Variants in SLC3A2 observed in about 807,000 individuals in gnomAD.
SLC3A2 encodes the protein solute carrier family 3 member 2.
In SLC3A2, 32 loss-of-function variants were observed where a neutral mutation model predicts 48.5. That is an observed-to-expected ratio of 0.66 (90% CI 0.50 to 0.89). SLC3A2 has a LOEUF of 0.89. Among genes scored for constraint, SLC3A2 ranks in the 40% least tolerant of loss-of-function variants. SLC3A2 has a pLI of 0.00. For missense variants in SLC3A2, 587 were observed against 680.7 expected, an observed-to-expected ratio of 0.86 and a Z score of 1.53; for synonymous variants, 277 against 288.8, an observed-to-expected ratio of 0.96 and a Z score of 0.41.
chr11:62,862,452 C>A (rs1188309661), intron 1 of SLC3A2, among the ~76,000 whole-genome samples: 1 of 151,222 alleles, frequency 6.6e-6, no homozygotes, highest in Non-Finnish European at 1.5e-5. Context: ...AGGTTTGAGA[C>A]CAGCCTGGGC....
chr11:62,861,898 CA>C (rs2085402268), intron 1 of SLC3A2, among the ~76,000 whole-genome samples: 1 of 116,904 alleles, frequency 8.6e-6, no homozygotes, highest in Non-Finnish European at 1.7e-5. Context: ...CCAACAAGAG[CA>C]AAACCTCTCT....
chr11:62,886,661 C>G (rs530314305), intron 7 of SLC3A2: 1 of 152,042 alleles, frequency 6.6e-6, no homozygotes, highest in Non-Finnish European at 1.5e-5. Context: ...GCGATTATGT[C>G]TCACTGCAAC....
intron 1 of SLC3A2, among the ~76,000 whole-genome samples, chr11:62,873,345 G>A (rs886983826): frequency 3.7e-4 from 56 of 151,762 alleles, no homozygotes; most frequent in Non-Finnish European, 7.4e-5. Flanking sequence ...AAAATTAGCC[G>A]GGCATGGTGG....
chr11:62,861,315 C>CA (rs1182735957), intron 1 of SLC3A2, among the ~76,000 whole-genome samples: 44 of 147,160 alleles, frequency 3.0e-4, no homozygotes, highest in South Asian at 4.3e-4. Flanking sequence ...GGCCCTGTCT[C>CA]AAAAAAAAAA....
At chr11:62,873,164 A>G (rs2085534777) in intron 1 of SLC3A2, among the ~76,000 whole-genome samples, 1 of 151,866 alleles carries the variant, frequency 6.6e-6, no homozygotes, top group Admixed American at 6.6e-5. Context: ...CTGGGACTAC[A>G]GGCATGTGCA....
intron 7 of SLC3A2, among the ~76,000 whole-genome samples, chr11:62,887,431 C>T (rs945239761): frequency 7.2e-5 from 11 of 151,996 alleles, no homozygotes; most frequent in African/African-American, 2.2e-4. Flanking sequence ...GGCCGGGTGT[C>T]GTGGCTTATG....
At chr11:62,874,764 T>C (rs2085553492) in intron 1 of SLC3A2, among the ~76,000 whole-genome samples, 2 of 151,876 alleles carry the variant, frequency 1.3e-5, no homozygotes, top group Admixed American at 1.3e-4. Flanking sequence ...TCTTTCCTTT[T>C]TCTTTTTCTT....
chr11:62,872,016 C>T (rs1437161795), intron 1 of SLC3A2, among the ~76,000 whole-genome samples: 1 of 151,946 alleles, frequency 6.6e-6, no homozygotes, highest in Admixed American at 6.6e-5. Flanking sequence ...GGGTTCACGC[C>T]ATTCTCCTGC....
intron 6 of SLC3A2, 25 bp from the exon 7 acceptor site, chr11:62,885,440 C>T: frequency 6.2e-7 from 1 of 1,614,144 alleles, no homozygotes; most frequent in Non-Finnish European, 8.5e-7. Flanking sequence ...GGTTATGGGG[C>T]TCACTGGAGT....
chr11:62,881,562 A>G lies in SLC3A2; in HGVS notation c.424+115A>G. On this transcript the variant is annotated intron_variant, in intron 1 of 8. Coordinates refer to ENST00000338663, the MANE Select transcript of SLC3A2 (RefSeq NM_001013251.3). The surrounding 1 kb of genome is among the most constrained non-coding windows in gnomAD (Gnocchi z 4.0). ...TGGTTCTTCCCTCCATCCCGTACCG[A>G]CGACTGTTCCCCCTTCCCCCACCCC... is the stretch of plus-strand genomic sequence containing the variant. The G allele has an allele frequency of 1.4e-6, 2 of 1,383,778 alleles. No homozygotes were observed. The highest frequency in any genetic ancestry group is 2.7e-5 in the Admixed American group (1 of 36,824). The allele number at this position is 1,383,778 out of a possible 1,614,324, so 85.7% of individuals were successfully genotyped here. A position where few individuals can be genotyped will look rare whatever the true frequency, so the allele number is the denominator to read the frequency against.
chr11:62,863,882 C>A (rs1478851727), intron 1 of SLC3A2, among the ~76,000 whole-genome samples: 1 of 151,988 alleles, frequency 6.6e-6, no homozygotes, highest in Non-Finnish European at 1.5e-5. Flanking sequence ...TGTGCTTTTG[C>A]CATAGGAGCT....
At chr11:62,877,402 A>T (rs1249112982), upstream of SLC3A2, among the ~76,000 whole-genome samples, 1 of 152,170 alleles carries the variant, frequency 6.6e-6, no homozygotes, top group African/African-American at 2.4e-5. Flanking sequence ...TTTGATTGAC[A>T]TAGTTCATCC....
chr11:62,880,788 C>T (rs1358073588), upstream of SLC3A2: 6 of 737,990 alleles, frequency 8.1e-6, no homozygotes, highest in East Asian at 3.0e-5. Context: ...CCTGACTTTA[C>T]TACCCTGAGC....
At chr11:62,859,182 G>A (rs2085371350) in intron 1 of SLC3A2, among the ~76,000 whole-genome samples, 2 of 152,004 alleles carry the variant, frequency 1.3e-5, no homozygotes, top group African/African-American at 2.4e-5. Context: ...AGGTCCCTGC[G>A]GCCTTCCGCA....
upstream of SLC3A2, among the ~76,000 whole-genome samples, chr11:62,879,974 G>C (rs967055014): frequency 2.6e-5 from 4 of 152,156 alleles, no homozygotes; most frequent in African/African-American, 9.7e-5. Flanking sequence ...GGGAGTTTGG[G>C]GATAACTGTG....
chr11:62,871,024 ACAGGCGCCCGC>A (rs1269416952), intron 1 of SLC3A2, among the ~76,000 whole-genome samples: 2 of 150,468 alleles, frequency 1.3e-5, no homozygotes, highest in Admixed American at 1.3e-4. Flanking sequence ...AGCTGGGACT[ACAGGCGCCCGC>A]CACCACGCCT....
At chr11:62,862,066 C>G (rs984667940) in intron 1 of SLC3A2, among the ~76,000 whole-genome samples, 1 of 151,996 alleles carries the variant, frequency 6.6e-6, no homozygotes, top group Non-Finnish European at 1.5e-5. Flanking sequence ...CCTGTAATCC[C>G]AGCACTTTGG....
At chr11:62,870,828 G>A (rs531494853) in intron 1 of SLC3A2, 4 of 214,020 alleles carry the variant, frequency 1.9e-5, no homozygotes, top group African/African-American at 7.7e-5. Flanking sequence ...CCAGAATGCC[G>A]AGATGATAGG....
intron 1 of SLC3A2, among the ~76,000 whole-genome samples, chr11:62,874,982 C>T (rs538671918): frequency 4.6e-5 from 7 of 152,168 alleles, no homozygotes; most frequent in South Asian, 2.1e-4. Context: ...AAGCTGGTCT[C>T]GAATTCCTGA....
Sources: allele counts gnomAD v4.1 joint callset (sites outside exome capture counted in the v4.1 genomes callset), GRCh38; gene constraint gnomAD v4.1.1; non-coding constraint Gnocchi (gnomAD v3.1); transcripts MANE v1.5; gene names NCBI Gene and HGNC (gene_info 2026-07-23, HGNC 2026-07-21).